Variants in ISL1 observed in about 807,000 individuals in gnomAD.
ISL1 encodes ISL LIM homeobox 1, also known as insulin gene enhancer protein ISL-1.
Under a neutral mutation model 35.3 loss-of-function variants are expected in ISL1, and 4 were observed. That is an observed-to-expected ratio of 0.11 (90% CI 0.06 to 0.26). The LOEUF (loss-of-function observed/expected upper bound fraction) is 0.26. Ranked by LOEUF, ISL1 falls within the 10% of genes least tolerant of loss-of-function variation. The probability of loss-of-function intolerance (pLI) is 1.00; values close to 1 mark genes in which losing one functional copy is unlikely to be tolerated. For missense variants in ISL1, 340 were observed against 472.8 expected (o/e 0.72, Z 2.60); for synonymous variants, 186 against 172.3 (o/e 1.08, Z -0.62).
rs189288844 is a variant in ISL1 at position 51,388,254 on chromosome 5, A to C, written c.478+505A>C. On this transcript the variant is annotated intron_variant, in intron 3 of 5. Coordinates refer to ENST00000230658, the MANE Select transcript of ISL1 (RefSeq NM_002202.3). ...GCTTCACACTCGAAATTTTTTTTTT[A>C]ATTTTTTTATCTTTCTGTGAGAGAA... is the stretch of plus-strand genomic sequence containing the variant. 4.4e-4 allele frequency among the ~76,000 whole-genome samples: 67 copies of C among 152,036 alleles called. 1 individual carries two copies. The highest frequency in any genetic ancestry group is 1.3e-3 in the Admixed American group (20 of 15,282).
intron 4 of ISL1, among the ~76,000 whole-genome samples, chr5:51,390,466 C>T (rs1747469169): frequency 6.6e-6 from 1 of 151,960 alleles, no homozygotes; most frequent in Admixed American, 6.5e-5. Flanking sequence ...CCAAGGTGAC[C>T]CGCATGCCCA....
chr5:51,390,642 C>CTTTTTTTTTTTTTT lies in ISL1; in HGVS notation c.766-607_766-594dup, dbSNP rs57707586. On this transcript the variant is annotated intron_variant, in intron 4 of 5. Transcript: ENST00000230658. ...TCCTTTTTTTCTTTTCTTTCTTTTT[C>CTTTTTTTTTTTTTT]TTTTTTTTTTTTTTTTTTTTTTTTT... 2.1e-3 allele frequency among the ~76,000 whole-genome samples: 86 copies of CTTTTTTTTTTTTTT among 40,134 alleles called. 2 individuals carry two copies. The highest frequency in any genetic ancestry group is 2.4e-3 in the East Asian group (3 of 1,228). The allele number at this position is 40,134 out of a possible 152,430, so 26.3% of individuals were successfully genotyped here.
At chr5:51,384,214 A>G (rs962349774) in intron 1 of ISL1, among the ~76,000 whole-genome samples, 2 of 133,780 alleles carry the variant, frequency 1.5e-5, no homozygotes, top group Non-Finnish European at 3.1e-5. Flanking sequence ...CTTATCCATA[A>G]TCTTTCCCAA....
chr5:51,393,799 G>T lies in ISL1; in HGVS notation c.*189G>T, dbSNP rs1747572743. ...TAGCAACACTGTGAAGACAATCATG[G>T]GATTTTACTAGAATTAAACAACAAA... is the stretch of plus-strand genomic sequence containing the variant. On this transcript the variant is annotated 3_prime_UTR_variant, in exon 6 of 6. Transcript: ENST00000230658. The T allele has an allele frequency of 1.6e-6, 1 of 626,548 alleles. No homozygotes were observed. Among genetic ancestry groups the T allele is most frequent in the African/African-American group, 1.8e-5 (1 of 54,750 alleles). The allele number at this position is 626,548 out of a possible 1,614,324, so 38.8% of individuals were successfully genotyped here.
chr5:51,388,507 G>C (rs771950610), intron 3 of ISL1, among the ~76,000 whole-genome samples: 3 of 152,178 alleles, frequency 2.0e-5, no homozygotes, highest in Admixed American at 6.5e-5. Flanking sequence ...GAAGGTGCAG[G>C]ATTTGTATCA....
chr5:51,387,407 GA>G lies in ISL1; in HGVS notation c.219-81del. ...GTCTTGCCCGGGATCTTGGGCCAGG[GA>G]AGTGCCGGCCTGAAGTGACCCCCTC... On this transcript the variant is annotated intron_variant, in intron 2 of 5. Coordinates refer to ENST00000230658, the MANE Select transcript of ISL1 (RefSeq NM_002202.3). The surrounding 1 kb of genome is among the most constrained non-coding windows in gnomAD (Gnocchi z 4.3). The G allele has an allele frequency of 6.7e-7, 1 of 1,485,266 alleles. No homozygotes were observed. The highest frequency in any genetic ancestry group is 1.8e-5 in the Admixed American group (1 of 54,832). The allele number at this position is 1,485,266 out of a possible 1,614,324, so 92.0% of individuals were successfully genotyped here.
At chr5:51,386,616 A>T (rs1333249712) in intron 2 of ISL1, 1 of 456,160 alleles carries the variant, frequency 2.2e-6, no homozygotes, top group Admixed American at 2.3e-5. Flanking sequence ...ACCTATAAAG[A>T]TTGTCCCTTG....
chr5:51,391,194 T>A, intron 4 of ISL1, 80 bp from the exon 5 acceptor site: 2 of 1,429,682 alleles, frequency 1.4e-6, no homozygotes, highest in Non-Finnish European at 1.9e-6. Flanking sequence ...CCAGGGTATA[T>A]TTGCTTAGCC....
intron 2 of ISL1, among the ~76,000 whole-genome samples, 179 bp downstream of exon 2, chr5:51,384,909 T>C (rs182008941): frequency 6.6e-6 from 1 of 152,344 alleles, no homozygotes; most frequent in Admixed American, 6.5e-5. Context: ...TTTCATTCTT[T>C]AGTTGAGAAA....
intron 5 of ISL1, among the ~76,000 whole-genome samples, chr5:51,392,162 TTTAATCTGTGAAAACC>T (rs1386888637): frequency 6.6e-6 from 1 of 152,160 alleles, no homozygotes; most frequent in African/African-American, 2.4e-5. Context: ...AAGTAAAGTG[TTTAATCTGTGAAAACC>T]TTAACATGTT....
Position 51,393,901 on chromosome 5 carries a change from G to T in ISL1, c.*291G>T. On this transcript the variant is annotated 3_prime_UTR_variant, in exon 6 of 6. Coordinates refer to ENST00000230658, the MANE Select transcript of ISL1 (RefSeq NM_002202.3). ...AAAAAAGACGTTTTTAAAACGTAGAGGATTTATATTCAAGGATCTCAAAGA... is the reference window on the plus strand; with the variant it reads ...AAAAAAGACGTTTTTAAAACGTAGATGATTTATATTCAAGGATCTCAAAGA... 4.8e-6 allele frequency: 2 copies of T among 413,744 alleles called. No individual in the cohort carries two copies. The highest frequency in any genetic ancestry group is 8.8e-6 in the Non-Finnish European group (2 of 226,132). 25.6% of individuals were successfully genotyped at this position (413,744 alleles called of 1,614,324 possible).
intron 1 of ISL1, 105 bp from the exon 2 acceptor site, chr5:51,384,435 GA>G (rs1747294392): frequency 9.0e-6 from 8 of 889,388 alleles, no homozygotes; most frequent in Middle Eastern, 3.0e-4. Context: ...AAGAAAGAAA[GA>G]AAAAAACCTC....
chr5:51,391,463 G>C (rs1416528624), intron 5 of ISL1, 22 bp downstream of exon 5: 2 of 1,613,320 alleles, frequency 1.2e-6, no homozygotes, highest in East Asian at 4.5e-5. Context: ...CTCCCAGATG[G>C]AAGAGGCTGA....
chr5:51,384,243 A>AGC (rs1747284115), intron 1 of ISL1, among the ~76,000 whole-genome samples: 1 of 116,212 alleles, frequency 8.6e-6, no homozygotes, highest in Non-Finnish European at 1.8e-5. Context: ...GCAAAGAGGA[A>AGC]GGGGGGGGGG....
rs577991381 is a variant in ISL1 at position 51,385,107 on chromosome 5, G to C, written c.218+377G>C. Among the ~76,000 whole-genome samples the C allele has an allele frequency of 1.1e-4, 17 of 152,298 alleles. No homozygotes were observed. The East Asian group carries it at 3.1e-3, about 28-fold the overall frequency. On this transcript the variant is annotated intron_variant, in intron 2 of 5. Coordinates refer to ENST00000230658, the MANE Select transcript of ISL1 (RefSeq NM_002202.3). ...GGGTTGATTTTTGTTGTATAGTGCA[G>C]TGTTCTGTTTGTTTTAGTCCTTTTT...
rs1747419171 is a variant in ISL1, at chr5:51,389,016, T to C, written c.479-630T>C. Among the ~76,000 whole-genome samples, 1 of 152,116 alleles carries C rather than the reference T, an allele frequency of 6.6e-6. No individual in the cohort carries two copies. Among genetic ancestry groups the C allele is most frequent in the African/African-American group, 2.4e-5 (1 of 41,418 alleles). ...GCAGGGATTGGAGATATGGCAGAAA[T>C]AGCGAATCTCTTCAGCCCCTTCACA... On this transcript the variant is annotated intron_variant, in intron 3 of 5. Transcript: ENST00000230658. The surrounding 1 kb of genome is among the most constrained non-coding windows in gnomAD (Gnocchi z 5.0).
At chr5:51,391,577 A>G in intron 5 of ISL1, 136 bp downstream of exon 5, 1 of 954,174 alleles carries the variant, frequency 1.0e-6, no homozygotes, top group Non-Finnish European at 1.6e-6. Flanking sequence ...GAGGTGGGTA[A>G]TGAAGAGAAG....
intron 4 of ISL1, among the ~76,000 whole-genome samples, chr5:51,390,389 G>A (rs2111850470): frequency 6.6e-6 from 1 of 152,194 alleles, no homozygotes; most frequent in Middle Eastern, 3.4e-3. Flanking sequence ...GTCACCCTGT[G>A]AGCCCCCAGG....
intron 2 of ISL1, among the ~76,000 whole-genome samples, chr5:51,385,282 T>A (rs1747316989): frequency 6.6e-6 from 1 of 152,172 alleles, no homozygotes; most frequent in South Asian, 2.1e-4. Context: ...CTGAGAAAAA[T>A]TTAAAACCAA....
Sources: allele counts gnomAD v4.1 joint callset (sites outside exome capture counted in the v4.1 genomes callset), GRCh38; gene constraint gnomAD v4.1.1; non-coding constraint Gnocchi (gnomAD v3.1); transcripts MANE v1.5; gene names NCBI Gene and HGNC (gene_info 2026-07-23, HGNC 2026-07-21).